Variants in LRRK1 observed in about 807,000 individuals in gnomAD.
LRRK1 encodes the protein leucine rich repeat kinase 1, also known as leucine-rich repeat serine/threonine-protein kinase 1.
Under a neutral mutation model 209.1 loss-of-function variants are expected in LRRK1, and 113 were observed. The ratio of observed to expected loss-of-function variants is 0.54; its 90% confidence interval spans 0.46 to 0.63. LRRK1 has a LOEUF of 0.63. Among genes scored for constraint, LRRK1 ranks in the 30% least tolerant of loss-of-function variants. The pLI is 0.00. For synonymous variants in LRRK1, 1,144 were observed against 1,099.7 expected, an observed-to-expected ratio of 1.04 and a Z score of -0.80; for missense variants, 2,284 against 2,632.2, an observed-to-expected ratio of 0.87 and a Z score of 2.89.
chr15:101,047,980 T>A (rs1460008535), intron 21 of LRRK1, among the ~76,000 whole-genome samples: 1 of 152,150 alleles, frequency 6.6e-6, no homozygotes, highest in Non-Finnish European at 1.5e-5. Flanking sequence ...AATATTAAAC[T>A]TTAGAAAAAT....
In LRRK1 at chr15:100,988,817, G is replaced by A. The variant is rs751718713; in HGVS notation, c.613+4G>A. 1.3e-6 allele frequency: 2 copies of A among 1,591,122 alleles called. No individual in the cohort carries two copies. The highest frequency in any genetic ancestry group is 1.7e-5 in the Admixed American group (1 of 58,886). On this transcript the variant is annotated splice_donor_region_variant and intron_variant, in intron 5 of 33. Transcript: ENST00000388948. The stretch of plus-strand genomic sequence containing the variant: ...CTGTATGCGGCCATCAAGTCAGGTG[G>A]GTTTCCCCACTACCCTGAGTCAACC...
At chr15:101,048,193 T>C (rs1014020220) in intron 21 of LRRK1, among the ~76,000 whole-genome samples, 1 of 152,232 alleles carries the variant, frequency 6.6e-6, no homozygotes, top group African/African-American at 2.4e-5. Flanking sequence ...CTTACATTTT[T>C]CTGTATTTTC....
At chr15:101,058,617 C>CGGGGAGGGGG (rs10668251) in intron 29 of LRRK1, among the ~76,000 whole-genome samples, 20 of 75,322 alleles carry the variant, frequency 2.7e-4, no homozygotes, top group Non-Finnish European at 3.8e-4. Flanking sequence ...GAAGGGGCAA[C>CGGGGAGGGGG]GGGGGGGGGC....
chr15:101,061,143 C>T (rs770016711), intron 29 of LRRK1, 28 bp from the exon 30 acceptor site: 1 of 1,569,022 alleles, frequency 6.4e-7, no homozygotes, highest in South Asian at 1.1e-5. Context: ...CCCCCGGGCA[C>T]TGACAGCACA....
chr15:100,973,537 G>A (rs2031078155), intron 2 of LRRK1, among the ~76,000 whole-genome samples: 1 of 152,170 alleles, frequency 6.6e-6, no homozygotes, highest in Admixed American at 6.5e-5. Flanking sequence ...GCTGTCCCCG[G>A]TGCCCTGGAA....
intron 3 of LRRK1, among the ~76,000 whole-genome samples, chr15:100,981,425 T>C (rs2031592809): frequency 6.6e-6 from 1 of 152,184 alleles, no homozygotes; most frequent in South Asian, 2.1e-4. Context: ...GGCTTTTCTT[T>C]TCTGATCATA....
chr15:101,016,306 A>T (rs993300916), intron 12 of LRRK1, among the ~76,000 whole-genome samples: 1 of 150,102 alleles, frequency 6.7e-6, no homozygotes, highest in Non-Finnish European at 1.5e-5. Flanking sequence ...ATTTTAATAC[A>T]ATACAGGATG....
Position 101,065,688 on chromosome 15 carries a change from G to C in LRRK1, c.5251G>C (p.Val1751Leu). The part of the protein sequence containing the change: ...CSSEGRGEEV[V>L]WCLDDKANSL... ...CTCTGAGGGCAGAGGGGAGGAGGTC[G>C]TCTGGTGCCTGGATGACAAGGCCAA... is the stretch of plus-strand genomic sequence containing the variant. Residue 1751 changes from valine (V) to leucine (L), a missense_variant, in exon 32 of 34, where the codon GTC becomes CTC. Around this residue, in one of 6 missense-constraint regions of LRRK1, gnomAD observed 643 missense variants for 695.9 expected, o/e 0.92. Coordinates refer to ENST00000388948, the MANE Select transcript of LRRK1 (RefSeq NM_024652.6). 3.7e-6 allele frequency: 6 copies of C among 1,614,074 alleles called. No individual in the cohort carries two copies. The highest frequency in any genetic ancestry group is 1.1e-5 in the South Asian group (1 of 91,074).
chr15:101,027,806 G>A lies in LRRK1; in HGVS notation c.2686+9G>A. The A allele has an allele frequency of 6.4e-7, 1 of 1,563,676 alleles. No individual in the cohort carries two copies. Among genetic ancestry groups the A allele is most frequent in the Non-Finnish European group, 8.7e-7 (1 of 1,152,620 alleles). ...CGAGGACCTGCAGTCAGGTGGGTGG[G>A]GCTGGGGTAGGTGGCAGGGTGCCCG... On this transcript the variant is annotated intron_variant, in intron 19 of 33. Transcript: ENST00000388948. The surrounding 1 kb of genome is among the most constrained non-coding windows in gnomAD (Gnocchi z 5.1).
intron 12 of LRRK1, among the ~76,000 whole-genome samples, chr15:101,018,955 G>C (rs1432115035): frequency 6.6e-6 from 1 of 152,186 alleles, no homozygotes; most frequent in Non-Finnish European, 1.5e-5. Flanking sequence ...ATTCCAAGTA[G>C]ATTTATGTAC....
At chr15:101,033,839 C>A (rs1199618143) in intron 20 of LRRK1, among the ~76,000 whole-genome samples, 10 of 152,154 alleles carry the variant, frequency 6.6e-5, no homozygotes, top group African/African-American at 2.2e-4. Flanking sequence ...GAGAAATCGC[C>A]ATACTATTTT....
In LRRK1 at chr15:101,072,034, A is replaced by G. The variant is rs1230248985; in HGVS notation, c.*3186A>G. On this transcript the variant is annotated 3_prime_UTR_variant, in exon 34 of 34. Transcript: ENST00000388948. ...AGGGGACTGTGCACACAGAATTGCA[A>G]GTGGGGGTCTCCGCGGAAGCTCCTG... 3 of 152,206 alleles carry G rather than the reference A, an allele frequency of 2.0e-5. No homozygotes were observed. The highest frequency in any genetic ancestry group is 4.4e-5 in the Non-Finnish European group (3 of 68,046). The allele number at this position is 152,206 out of a possible 1,614,324, so 9.4% of individuals were successfully genotyped here.
chr15:101,022,436 T>C lies in LRRK1; in HGVS notation c.1906T>C (p.Cys636Arg). The C allele has an allele frequency of 1.9e-6, 3 of 1,614,188 alleles. No homozygotes were observed. The highest frequency in any genetic ancestry group is 2.5e-6 in the Non-Finnish European group (3 of 1,180,038). Residue 636 changes from cysteine to arginine, a missense_variant, in exon 15 of 34, where the codon TGC becomes CGC. Cys to Arg is a radical substitution (Grantham distance 180). This residue lies in a region of LRRK1 where 494 missense variants were observed against 522.1 expected (regional missense o/e 0.95). Coordinates refer to ENST00000388948, the MANE Select transcript of LRRK1 (RefSeq NM_024652.6). This position sits in a 1 kb window ranked among gnomAD's most constrained non-coding sequence, Gnocchi z 4.0. ...LRAQLRKAEKCKLMKMIIVGP... is the reference protein window; with the variant it reads ...LRAQLRKAEKRKLMKMIIVGP... ...TGCTCAGCTGCGGAAAGCGGAAAAG[T>C]GCAAGCTGATGAAGATGATCATCGT... is the stretch of plus-strand genomic sequence containing the variant.
chr15:101,006,372 T>TAAAAAAAAAAAAAA (rs56053663), intron 6 of LRRK1, among the ~76,000 whole-genome samples: 1 of 114,452 alleles, frequency 8.7e-6, no homozygotes, highest in African/African-American at 3.3e-5. Flanking sequence ...GACAATGTGA[T>TAAAAAAAAAAAAAA]AAAAAAAAAA....
rs898594491 is a variant in LRRK1, at chr15:101,074,355, C to G, written c.*5507C>G. ...CGTGACTAGCCCTCCCCTACCTGCC[C>G]AGCAATTTTCTCTTAAAAAGGTGGC... On this transcript the variant is annotated 3_prime_UTR_variant, in exon 34 of 34. Transcript: ENST00000388948. 4.6e-5 allele frequency: 7 copies of G among 152,118 alleles called. No homozygotes were observed. Among genetic ancestry groups the G allele is most frequent in the Admixed American group, 3.3e-4 (5 of 15,276 alleles). 9.4% of individuals were successfully genotyped at this position (152,118 alleles called of 1,614,324 possible). A position where few individuals can be genotyped will look rare whatever the true frequency, so the allele number is the denominator to read the frequency against.
rs540150852 is a variant in LRRK1, at chr15:101,069,371, T to C, written c.*523T>C. The C allele has an allele frequency of 6.5e-6, 1 of 152,886 alleles. No homozygotes were observed. The highest frequency in any genetic ancestry group is 2.1e-4 in the South Asian group (1 of 4,830). The allele number at this position is 152,886 out of a possible 1,614,324, so 9.5% of individuals were successfully genotyped here. A position where few individuals can be genotyped will look rare whatever the true frequency, so the allele number is the denominator to read the frequency against. On this transcript the variant is annotated 3_prime_UTR_variant, in exon 34 of 34. Transcript: ENST00000388948. Reference sequence around the variant, plus strand: ...TGAGTCCCCGAGGCCTGGGCCAGCTTGGGCAAGCCAAGATCAGATGTCTCT... The same window carrying C: ...TGAGTCCCCGAGGCCTGGGCCAGCTCGGGCAAGCCAAGATCAGATGTCTCT...
intron 15 of LRRK1, among the ~76,000 whole-genome samples, chr15:101,023,834 A>C (rs964144976): frequency 2.6e-5 from 4 of 152,228 alleles, no homozygotes; most frequent in African/African-American, 9.7e-5. Context: ...CAAACACGAC[A>C]ATCAACGCTA....
chr15:100,995,927 G>A (rs1358821891), intron 6 of LRRK1, among the ~76,000 whole-genome samples: 5 of 152,224 alleles, frequency 3.3e-5, no homozygotes, highest in Admixed American at 1.3e-4. Context: ...GATCAGTTCC[G>A]GCATATGTAG....
chr15:100,922,245 G>A (rs2042033723), intron 1 of LRRK1, among the ~76,000 whole-genome samples: 1 of 152,140 alleles, frequency 6.6e-6, no homozygotes, highest in Non-Finnish European at 1.5e-5. Context: ...CCGTTTGAGG[G>A]CAAAGATTGA....
Sources: gnomAD v4.1 joint callset for allele counts (sites outside exome capture counted in the v4.1 genomes callset) on GRCh38, gnomAD v4.1.1 for gene constraint, gnomAD v4.1.1 regional missense constraint, Gnocchi (gnomAD v3.1) non-coding constraint, MANE v1.5 for transcripts, NCBI Gene and HGNC (gene_info 2026-07-23, HGNC 2026-07-21) for gene names.